Variants in ZNF573 observed in about 807,000 individuals in gnomAD.
ZNF573 encodes the protein zinc finger protein 573.
A neutral mutation model predicts 57.4 loss-of-function variants in ZNF573; 41 were observed. The observed-to-expected ratio is 0.71, with a 90% confidence interval of 0.56 to 0.93. The LOEUF (loss-of-function observed/expected upper bound fraction) is 0.93. Among genes scored for constraint, ZNF573 ranks in the 40% least tolerant of loss-of-function variants. The probability of loss-of-function intolerance (pLI) is 0.00; values close to 1 mark genes in which losing one functional copy is unlikely to be tolerated. For synonymous variants in ZNF573, 249 were observed against 261.0 expected (o/e 0.95, Z 0.44); for missense variants, 730 against 794.8 (o/e 0.92, Z 0.98).
intron 4 of ZNF573, among the ~76,000 whole-genome samples, chr19:37,741,233 A>G (rs2045324276): frequency 6.6e-6 from 1 of 151,726 alleles, no homozygotes; most frequent in Non-Finnish European, 1.5e-5. Flanking sequence ...CTCTATCTTT[A>G]TCTGTCTGTT....
intron 4 of ZNF573, among the ~76,000 whole-genome samples, chr19:37,743,251 T>A (rs187757399): frequency 1.5e-3 from 199 of 135,338 alleles, no homozygotes; most frequent in East Asian, 0.013. Context: ...ACGCGGGAGG[T>A]AGAGGTTGCA....
In ZNF573 at chr19:37,766,038, C is replaced by A. The variant is rs113909784; in HGVS notation, c.295+3967G>T. On this transcript the variant is annotated intron_variant, in intron 4 of 4. Transcript: ENST00000536220. Reference sequence around the variant, plus strand: ...CTGGGCGACAAGAGCAAAACTCCATCTCAAAAAAAAAAGAAAAGAGAAAAG... The same window carrying A: ...CTGGGCGACAAGAGCAAAACTCCATATCAAAAAAAAAAGAAAAGAGAAAAG... Among the ~76,000 whole-genome samples the A allele has an allele frequency of 3.0e-3, 460 of 150,858 alleles. 3 individuals are homozygous for A. The highest frequency in any genetic ancestry group is 0.011 in the African/African-American group (455 of 41,144).
intron 4 of ZNF573, among the ~76,000 whole-genome samples, chr19:37,759,852 G>A (rs562880197): frequency 7.9e-5 from 12 of 152,188 alleles, no homozygotes; most frequent in South Asian, 4.1e-4. Flanking sequence ...ACCTTCACTC[G>A]TCTTTGTTCA....
rs1242476297 is a variant in ZNF573 at position 37,739,029 on chromosome 19, T to C, written c.1461A>G (p.Gln487=). The C allele has an allele frequency of 3.1e-6, 5 of 1,613,254 alleles. No homozygotes were observed. The African/African-American group carries it at 4.0e-5, about 13-fold the overall frequency. The change falls in exon 5 of 5, where the codon CAA becomes CAG. Residue 487 remains glutamine, a synonymous_variant. Transcript: ENST00000536220. The part of the protein sequence containing the change: ...KAYSTGSNLI[Q]HRKTHTGEKP... ...TCTCACCAGTATGAGTTTTCCGATG[T>C]TGAATAAGGTTTGAGCCAGTACTAT...
At chr19:37,762,665 G>A (rs190457735) in intron 4 of ZNF573, among the ~76,000 whole-genome samples, 1 of 152,178 alleles carries the variant, frequency 6.6e-6, no homozygotes, top group East Asian at 1.9e-4. Flanking sequence ...ACCATATTTA[G>A]GGTTTCTTTG....
At chr19:37,750,630 T>G (rs996695140) in intron 4 of ZNF573, among the ~76,000 whole-genome samples, 9 of 151,876 alleles carry the variant, frequency 5.9e-5, no homozygotes, top group African/African-American at 2.2e-4. Flanking sequence ...TAAGAAAAAT[T>G]TTAGCAATTG....
At chr19:37,750,917 A>G (rs2045428372) in intron 4 of ZNF573, among the ~76,000 whole-genome samples, 2 of 151,832 alleles carry the variant, frequency 1.3e-5, no homozygotes, top group Admixed American at 1.3e-4. Context: ...TAGAAGACTC[A>G]GAATAGCCAA....
chr19:37,740,790 A>G, intron 4 of ZNF573: 1 of 320,800 alleles, frequency 3.1e-6, no homozygotes, highest in Non-Finnish European at 6.1e-6. Flanking sequence ...AACCCAACCC[A>G]GATACCGACG....
chr19:37,770,226 G>C (rs2045642571), intron 3 of ZNF573, 129 bp from the exon 4 acceptor site: 1 of 714,022 alleles, frequency 1.4e-6, no homozygotes, highest in Non-Finnish European at 2.3e-6. Flanking sequence ...TTGAAGAAAT[G>C]AAACAGGCAC....
intron 1 of ZNF573, among the ~76,000 whole-genome samples, chr19:37,776,995 G>T (rs2045714747): frequency 6.6e-6 from 1 of 152,134 alleles, no homozygotes; most frequent in Non-Finnish European, 1.5e-5. Flanking sequence ...AATAGATGTT[G>T]CCATGGTTGT....
intron 2 of ZNF573, among the ~76,000 whole-genome samples, chr19:37,772,145 A>AT (rs1022255556): frequency 1.3e-5 from 2 of 151,936 alleles, no homozygotes; most frequent in African/African-American, 2.4e-5. Context: ...CTATTTATTT[A>AT]TTTTTTTGGG....
intron 2 of ZNF573, among the ~76,000 whole-genome samples, chr19:37,773,335 C>T (rs2045676431): frequency 6.6e-6 from 1 of 152,206 alleles, no homozygotes; most frequent in African/African-American, 2.4e-5. Flanking sequence ...ATAGGACCAA[C>T]ATCTCTAATT....
chr19:37,758,355 C>G (rs2145307191), intron 4 of ZNF573: 1 of 146,476 alleles, frequency 6.8e-6, no homozygotes, highest in East Asian at 2.0e-4. Flanking sequence ...AATCCCAGCA[C>G]TTTGGGAGGC....
chr19:37,775,852 A>G (rs1450719719), intron 1 of ZNF573, among the ~76,000 whole-genome samples: 1 of 150,274 alleles, frequency 6.7e-6, no homozygotes, highest in Non-Finnish European at 1.5e-5. Context: ...CAAAAAAAAA[A>G]AAAAAACCAC....
At chr19:37,755,551 T>C (rs1376584118) in intron 4 of ZNF573, among the ~76,000 whole-genome samples, 1 of 152,182 alleles carries the variant, frequency 6.6e-6, no homozygotes, top group Non-Finnish European at 1.5e-5. Context: ...AATAACTCTA[T>C]TTTAATTGAC....
rs1350349453 is a variant in ZNF573 at position 37,768,652 on chromosome 19, CTTATT to C, written c.295+1348_295+1352del. On this transcript the variant is annotated intron_variant, in intron 4 of 4. Transcript: ENST00000536220. ...CTGCCTAATAGTAGTTGTTTGCCTG[CTTATT>C]TTATTTTATTTATTTATTTATTTTT... is the stretch of plus-strand genomic sequence containing the variant. Among the ~76,000 whole-genome samples, 3 of 151,956 alleles carry C rather than the reference CTTATT, an allele frequency of 2.0e-5. No homozygotes were observed. In the South Asian group the frequency reaches 6.2e-4, roughly 32 times the overall value.
In ZNF573 at chr19:37,740,009, G is replaced by A; in HGVS notation, c.481C>T (p.Pro161Ser). 6.2e-7 allele frequency: 1 copy of A among 1,614,096 alleles called. No individual in the cohort carries two copies. ...TTCCCACACTCTTTGCATTCATAGG[G>A]TCTCTCAATGACATGAAACCTGTGA... ...LHHRFHVIER[P>S]YECKECGKNF... The change falls in exon 5 of 5, where the codon CCC becomes TCC. Residue 161 changes from proline (P) to serine (S), a missense_variant. Pro to Ser is a moderately conservative substitution (Grantham distance 74). Transcript: ENST00000536220.
chr19:37,770,206 G>C, intron 3 of ZNF573, 109 bp from the exon 4 acceptor site: 1 of 820,716 alleles, frequency 1.2e-6, no homozygotes, highest in African/African-American at 1.8e-5. Flanking sequence ...ATAAAAGAGG[G>C]GTGAGATGAT....
chr19:37,738,394 T>C lies in ZNF573; in HGVS notation c.*98A>G. ...GGCAAGATCTGCATTTTGAACTCTC[T>C]CAATTGCTAAAGCCATACCTATAAG... On this transcript the variant is annotated 3_prime_UTR_variant, in exon 5 of 5. Coordinates refer to ENST00000536220, the MANE Select transcript of ZNF573 (RefSeq NM_001172690.2). 7.6e-7 allele frequency: 1 copy of C among 1,321,012 alleles called. No individual in the cohort carries two copies. The highest frequency in any genetic ancestry group is 9.9e-7 in the Non-Finnish European group (1 of 1,006,808). The allele number at this position is 1,321,012 out of a possible 1,614,324, so 81.8% of individuals were successfully genotyped here.
Sources: gnomAD v4.1 joint callset for allele counts (sites outside exome capture counted in the v4.1 genomes callset) on GRCh38, gnomAD v4.1.1 for gene constraint, MANE v1.5 for transcripts, NCBI Gene and HGNC (gene_info 2026-07-23, HGNC 2026-07-21) for gene names.